The following NSD1 variants were observed in gnomAD, a reference collection of about 807,000 sequenced individuals.
NSD1 encodes the protein histone-lysine N-methyltransferase, H3 lysine-36 specific.
A neutral mutation model predicts 242.7 loss-of-function variants in NSD1; 26 were observed. That is an observed-to-expected ratio of 0.11 (90% CI 0.08 to 0.15). The LOEUF (loss-of-function observed/expected upper bound fraction) is 0.15. NSD1 is among the 10% of genes least tolerant of loss of function. NSD1 has a pLI of 1.00. For missense variants in NSD1, 2,495 were observed against 3,272.8 expected (o/e 0.76, Z 5.80); for synonymous variants, 1,106 against 1,178.1 (o/e 0.94, Z 1.25).
At chr5:177,253,395 AATC>A (rs1263229659) in intron 12 of NSD1, among the ~76,000 whole-genome samples, 3 of 152,176 alleles carry the variant, frequency 2.0e-5, no homozygotes, top group South Asian at 2.1e-4. Context: ...GCATCTGTGA[AATC>A]ATCACTCAGC....
intron 2 of NSD1, among the ~76,000 whole-genome samples, chr5:177,164,149 C>CTTTTTTTTTTTT (rs56076836): frequency 1.4e-5 from 2 of 138,392 alleles, no homozygotes; most frequent in Non-Finnish European, 1.5e-5. Context: ...AAAATGTAAC[C>CTTTTTTTTTTTT]TTTTTTTTTT....
chr5:177,172,917 C>A (rs1759829794), intron 2 of NSD1, among the ~76,000 whole-genome samples: 1 of 144,750 alleles, frequency 6.9e-6, no homozygotes. Flanking sequence ...AGCTGAGATC[C>A]TGCCACTGTA....
At chr5:177,257,189 C>A in intron 13 of NSD1, 38 bp downstream of exon 13, 2 of 1,487,634 alleles carry the variant, frequency 1.3e-6, no homozygotes, top group African/African-American at 1.4e-5. Context: ...AATTGTAAAA[C>A]CTCAGTTTAA....
intron 4 of NSD1, 52 bp from the exon 5 acceptor site, chr5:177,209,584 C>T: frequency 2.2e-6 from 3 of 1,369,284 alleles, no homozygotes; most frequent in Non-Finnish European, 3.1e-6. Context: ...CTCCCTTTTC[C>T]CCCACCCATT....
chr5:177,265,971 C>G, intron 14 of NSD1: 3 of 1,086,116 alleles, frequency 2.8e-6, no homozygotes, highest in Non-Finnish European at 2.8e-6. Context: ...TGTTTGAGGT[C>G]CACCACATCC....
chr5:177,219,523 T>C (rs1410380076), intron 5 of NSD1, among the ~76,000 whole-genome samples: 1 of 152,214 alleles, frequency 6.6e-6, no homozygotes, highest in Non-Finnish European at 1.5e-5. Flanking sequence ...TGTGATTTCT[T>C]CTTTCTTCCA....
At chr5:177,223,706 G>A (rs1438477653) in intron 5 of NSD1, among the ~76,000 whole-genome samples, 2 of 152,216 alleles carry the variant, frequency 1.3e-5, no homozygotes, top group Non-Finnish European at 2.9e-5. Flanking sequence ...TGCTCTCAAT[G>A]AGGTGGTGGC....
chr5:177,243,007 G>A (rs558689027), intron 8 of NSD1, among the ~76,000 whole-genome samples: 1 of 152,258 alleles, frequency 6.6e-6, no homozygotes, highest in South Asian at 2.1e-4. Flanking sequence ...GACTCCTGAT[G>A]TTGAGTATTT....
Position 177,136,041 on chromosome 5 carries a change from T to A in NSD1, c.927+11T>A. ...CAGGAATTGCCATTTGTAAGCAGTT[T>A]TTGGTACAACTTAAATATATACATA... On this transcript the variant is annotated intron_variant, in intron 2 of 22. Coordinates refer to ENST00000439151, the MANE Select transcript of NSD1 (RefSeq NM_022455.5). 6.2e-7 allele frequency: 1 copy of A among 1,610,772 alleles called. No individual in the cohort carries two copies. The highest frequency in any genetic ancestry group is 8.5e-7 in the Non-Finnish European group (1 of 1,177,168).
chr5:177,259,962 T>C (rs778323536), intron 13 of NSD1, 27 bp from the exon 14 acceptor site: 3 of 1,613,984 alleles, frequency 1.9e-6, no homozygotes, highest in Non-Finnish European at 2.5e-6. Flanking sequence ...GTTTTTCTTT[T>C]GCTTGTCCCT....
intron 2 of NSD1, among the ~76,000 whole-genome samples, chr5:177,190,068 C>G (rs1270557047): frequency 6.6e-6 from 1 of 152,028 alleles, no homozygotes; most frequent in Non-Finnish European, 1.5e-5. Context: ...AAGCAGTCCT[C>G]CTACCTGTCT....
intron 2 of NSD1, among the ~76,000 whole-genome samples, chr5:177,160,012 C>T (rs558435479): frequency 5.7e-4 from 86 of 152,116 alleles, no homozygotes; most frequent in Admixed American, 9.8e-4. Flanking sequence ...GCTTCAGCCT[C>T]CTGAGTACCT....
At chr5:177,165,954 G>A (rs1271287028) in intron 2 of NSD1, among the ~76,000 whole-genome samples, 1 of 144,376 alleles carries the variant, frequency 6.9e-6, no homozygotes, top group African/African-American at 2.7e-5. Context: ...CTGTCACCCA[G>A]GCTGGAGTGC....
chr5:177,132,039 G>A (rs1390715191), upstream of NSD1, among the ~76,000 whole-genome samples: 3 of 152,196 alleles, frequency 2.0e-5, no homozygotes, highest in Admixed American at 2.0e-4. The surrounding 1 kb of genome is among the most constrained non-coding windows in gnomAD (Gnocchi z 7.5). Flanking sequence ...TGGGCTCCCT[G>A]TCCCGCCCTT....
intron 2 of NSD1, among the ~76,000 whole-genome samples, chr5:177,159,034 T>C (rs1026862576): frequency 9.9e-4 from 141 of 141,948 alleles, no homozygotes; most frequent in Admixed American, 1.9e-3. Flanking sequence ...ATGAATGATA[T>C]ATATATATAT....
intron 5 of NSD1, among the ~76,000 whole-genome samples, chr5:177,232,873 G>A (rs996282280): frequency 3.3e-5 from 5 of 152,212 alleles, no homozygotes; most frequent in African/African-American, 1.2e-4. Context: ...AGACAGTGGT[G>A]TAAGTGTGAA....
At chr5:177,153,502 TTG>T (rs1190554481) in intron 2 of NSD1, among the ~76,000 whole-genome samples, 4 of 152,102 alleles carry the variant, frequency 2.6e-5, no homozygotes, top group Admixed American at 2.6e-4. Flanking sequence ...TCTAGGAGTT[TTG>T]TGTCTATATT....
At chr5:177,254,642 C>T (rs559218004) in intron 12 of NSD1, among the ~76,000 whole-genome samples, 1 of 152,182 alleles carries the variant, frequency 6.6e-6, no homozygotes, top group African/African-American at 2.4e-5. Flanking sequence ...TCAGATGATC[C>T]ACCTGCTTTG....
chr5:177,164,099 A>G (rs528774663), intron 2 of NSD1, among the ~76,000 whole-genome samples: 5 of 151,906 alleles, frequency 3.3e-5, no homozygotes, highest in Admixed American at 2.0e-4. Flanking sequence ...TAGAAAGGCA[A>G]GTGTCATCTG....
Sources: allele counts gnomAD v4.1 joint callset (sites outside exome capture counted in the v4.1 genomes callset), GRCh38; gene constraint gnomAD v4.1.1; non-coding constraint Gnocchi (gnomAD v3.1); transcripts MANE v1.5; gene names NCBI Gene and HGNC (gene_info 2026-07-23, HGNC 2026-07-21).